The following CTNND2 variants were observed in gnomAD, a reference collection of about 807,000 sequenced individuals.
CTNND2 encodes the protein catenin delta 2, also known as catenin delta-2.
Under a neutral mutation model 144.4 loss-of-function variants are expected in CTNND2, and 22 were observed. The observed-to-expected ratio is 0.15, with a 90% CI of 0.11 to 0.22. The LOEUF is 0.22. CTNND2 is among the 10% of genes least tolerant of loss of function. The pLI is 1.00. For missense variants in CTNND2, 1,353 were observed against 1,618.8 expected (o/e 0.84, Z 2.82); for synonymous variants, 751 against 695.6 (o/e 1.08, Z -1.25).
intron 3 of CTNND2, among the ~76,000 whole-genome samples, chr5:11,477,597 T>C (rs1254050934): frequency 6.6e-6 from 1 of 152,098 alleles, no homozygotes; most frequent in African/African-American, 2.4e-5. Context: ...TTGTTTTTTG[T>C]AGACACAGGG....
At chr5:11,162,684 C>A (rs1443010321) in intron 11 of CTNND2, among the ~76,000 whole-genome samples, 1 of 148,316 alleles carries the variant, frequency 6.7e-6, no homozygotes, top group Non-Finnish European at 1.5e-5. Flanking sequence ...GTGGATGGAA[C>A]GCGGCAGATT....
chr5:11,771,114 G>A (rs991609202), intron 1 of CTNND2, among the ~76,000 whole-genome samples: 131 of 151,864 alleles, frequency 8.6e-4, no homozygotes, highest in Middle Eastern at 3.4e-3. Flanking sequence ...TTATAAAAAG[G>A]AAAGGGGTCC....
chr5:11,400,027 T>C (rs563073507), intron 5 of CTNND2, among the ~76,000 whole-genome samples: 2 of 152,360 alleles, frequency 1.3e-5, no homozygotes, highest in African/African-American at 4.8e-5. Flanking sequence ...AACTTTCAAT[T>C]AGCTTTATTA....
chr5:11,854,234 G>A (rs1246400433), intron 1 of CTNND2, among the ~76,000 whole-genome samples: 2 of 152,118 alleles, frequency 1.3e-5, no homozygotes, highest in Admixed American at 1.3e-4. Flanking sequence ...TTACTTGTCA[G>A]TTCTATATAA....
intron 2 of CTNND2, among the ~76,000 whole-genome samples, chr5:11,604,722 C>T (rs1014911163): frequency 6.6e-6 from 1 of 152,196 alleles, no homozygotes; most frequent in Non-Finnish European, 1.5e-5. Flanking sequence ...ATTAATCACC[C>T]ATGTCCCAAG....
At chr5:11,529,986 C>T (rs980424499) in intron 3 of CTNND2, among the ~76,000 whole-genome samples, 3 of 150,738 alleles carry the variant, frequency 2.0e-5, no homozygotes, top group Non-Finnish European at 4.4e-5. Context: ...CTTTTTAAAG[C>T]TGTACTTTTT....
chr5:11,794,947 T>C (rs532875617), intron 1 of CTNND2, among the ~76,000 whole-genome samples: 29 of 152,328 alleles, frequency 1.9e-4, no homozygotes, highest in African/African-American at 6.0e-4. Flanking sequence ...TGTACAATTA[T>C]TATTTTCCCA....
At chr5:11,403,223 GC>G (rs1760784524) in intron 5 of CTNND2, among the ~76,000 whole-genome samples, 1 of 151,926 alleles carries the variant, frequency 6.6e-6, no homozygotes, top group Admixed American at 6.6e-5. Flanking sequence ...CCTCCATCGG[GC>G]CTTGTATGTG....
intron 2 of CTNND2, among the ~76,000 whole-genome samples, chr5:11,711,843 T>C (rs1197751446): frequency 1.3e-5 from 2 of 152,202 alleles, no homozygotes; most frequent in Non-Finnish European, 2.9e-5. Flanking sequence ...AGTTTCCTCA[T>C]CTTTCAGATG....
intron 3 of CTNND2, among the ~76,000 whole-genome samples, chr5:11,555,858 G>C (rs1776190901): frequency 6.6e-6 from 1 of 151,998 alleles, no homozygotes; most frequent in African/African-American, 2.4e-5. Flanking sequence ...GAAAAACTTG[G>C]AAAAAAACAA....
intron 1 of CTNND2, among the ~76,000 whole-genome samples, chr5:11,898,704 A>C (rs995500164): frequency 9.2e-5 from 14 of 151,950 alleles, no homozygotes; most frequent in Non-Finnish European, 1.6e-4. Context: ...CCAAAAAAAC[A>C]AAAAAACCCA....
At chr5:11,828,786 G>T (rs1439664796) in intron 1 of CTNND2, among the ~76,000 whole-genome samples, 1 of 152,174 alleles carries the variant, frequency 6.6e-6, no homozygotes, top group East Asian at 1.9e-4. Flanking sequence ...TGAAAATGTG[G>T]AAGTGACTTT....
chr5:11,280,408 C>T (rs1384275145), intron 9 of CTNND2, among the ~76,000 whole-genome samples: 1 of 152,150 alleles, frequency 6.6e-6, no homozygotes, highest in Non-Finnish European at 1.5e-5. Context: ...TGGTTAAGTC[C>T]ACAGTCAAGG....
intron 10 of CTNND2, among the ~76,000 whole-genome samples, chr5:11,205,539 A>T: frequency 6.6e-6 from 1 of 152,174 alleles, no homozygotes; most frequent in Non-Finnish European, 1.5e-5. Flanking sequence ...CCCAAACTAG[A>T]TGACTAAGCA....
intron 11 of CTNND2, among the ~76,000 whole-genome samples, chr5:11,183,069 CA>C (rs1476776521): frequency 6.6e-6 from 1 of 152,182 alleles, no homozygotes; most frequent in African/African-American, 2.4e-5. Context: ...TCCTTCTTTT[CA>C]ATCCCATTTT....
chr5:11,895,921 T>C (rs946474510), intron 1 of CTNND2, among the ~76,000 whole-genome samples: 3 of 152,140 alleles, frequency 2.0e-5, no homozygotes, highest in African/African-American at 4.8e-5. Context: ...CCTATGTAAT[T>C]AGAAGTTTTA....
At chr5:11,198,885 G>A (rs61751783) in intron 11 of CTNND2, among the ~76,000 whole-genome samples, 33 of 152,256 alleles carry the variant, frequency 2.2e-4, no homozygotes, top group Admixed American at 2.1e-3. Flanking sequence ...AAACCTTCAC[G>A]ACTATGGTGT....
chr5:10,981,971 G>T, intron 20 of CTNND2, 125 bp from the exon 21 acceptor site: 1 of 718,058 alleles, frequency 1.4e-6, no homozygotes, highest in Non-Finnish European at 2.4e-6. Context: ...CCAAGTAGAA[G>T]ACATTCTTTG....
chr5:11,356,328 C>T (rs1755874088), intron 8 of CTNND2, among the ~76,000 whole-genome samples: 1 of 152,060 alleles, frequency 6.6e-6, no homozygotes, highest in African/African-American at 2.4e-5. Flanking sequence ...ACCAAAACAG[C>T]ACAGCACTAG....
Sources: gnomAD v4.1 joint callset for allele counts (sites outside exome capture counted in the v4.1 genomes callset) on GRCh38, gnomAD v4.1.1 for gene constraint, MANE v1.5 for transcripts, NCBI Gene and HGNC (gene_info 2026-07-23, HGNC 2026-07-21) for gene names.